MRPL3: variants seen among roughly 807,000 people sequenced by gnomAD.
MRPL3 encodes the protein mitochondrial ribosomal protein L3.
In MRPL3, 43 loss-of-function variants were observed where a neutral mutation model predicts 44.3. The ratio of observed to expected loss-of-function variants is 0.97; its 90% confidence interval spans 0.76 to 1.25. MRPL3 has a LOEUF of 1.25. Ranked by LOEUF, MRPL3 falls within the 50% of genes most tolerant of loss-of-function variation. The pLI, the probability that MRPL3 is intolerant of heterozygous loss-of-function variation, is 0.00. For synonymous variants in MRPL3, 171 were observed against 152.3 expected, an observed-to-expected ratio of 1.12 and a Z score of -0.91; for missense variants, 406 against 427.6, an observed-to-expected ratio of 0.95 and a Z score of 0.45.
At chr3:131,463,660 C>T (rs898847583) in intron 9 of MRPL3, among the ~76,000 whole-genome samples, 1 of 151,956 alleles carries the variant, frequency 6.6e-6, no homozygotes, top group African/African-American at 2.4e-5. Flanking sequence ...AATAACAGAC[C>T]TATGGGTCTT....
chr3:131,480,456 T>C (rs1303967833), intron 6 of MRPL3, among the ~76,000 whole-genome samples: 6 of 152,220 alleles, frequency 3.9e-5, no homozygotes, highest in Admixed American at 6.5e-5. Flanking sequence ...GAAATGCAGG[T>C]ATATGATTTC....
chr3:131,498,750 TACA>T (rs111764441), intron 3 of MRPL3, among the ~76,000 whole-genome samples: 2,108 of 137,356 alleles, frequency 0.015, 19 homozygotes, highest in East Asian at 0.036. Context: ...AAAGAACATA[TACA>T]ACAAAATGAG....
At chr3:131,502,016 G>A (rs141124711) in intron 1 of MRPL3, 11 of 996,312 alleles carry the variant, frequency 1.1e-5, no homozygotes, top group Admixed American at 9.9e-5. Context: ...TAACCCATTT[G>A]GAAGTGTACC....
intron 9 of MRPL3, among the ~76,000 whole-genome samples, chr3:131,467,252 A>G (rs1032195773): frequency 4.4e-4 from 33 of 75,216 alleles, no homozygotes; most frequent in Non-Finnish European, 1.2e-3. Context: ...ACACACACAC[A>G]CATACACACA....
At chr3:131,482,264 C>T (rs1019347575) in intron 6 of MRPL3, among the ~76,000 whole-genome samples, 1 of 152,018 alleles carries the variant, frequency 6.6e-6, no homozygotes, top group Non-Finnish European at 1.5e-5. Flanking sequence ...TGCCTGTAAT[C>T]CCAGCACTTT....
chr3:131,476,576 T>C (rs537365416), intron 6 of MRPL3, among the ~76,000 whole-genome samples: 1 of 152,174 alleles, frequency 6.6e-6, no homozygotes, highest in East Asian at 1.9e-4. Flanking sequence ...AAAAATCAAA[T>C]AGAGGAAAGC....
chr3:131,480,024 A>C lies in MRPL3; in HGVS notation c.629+7656T>G, dbSNP rs143960546. ...TAAAACAAACAAAAAATTCTAATAAACAAAAAAGAATTAATTTTTGCCAAA... is the reference window on the plus strand; with the variant it reads ...TAAAACAAACAAAAAATTCTAATAACCAAAAAAGAATTAATTTTTGCCAAA... On this transcript the variant is annotated intron_variant, in intron 6 of 9. Coordinates refer to ENST00000264995, the MANE Select transcript of MRPL3 (RefSeq NM_007208.4). Among the ~76,000 whole-genome samples the C allele has an allele frequency of 2.3e-3, 347 of 152,274 alleles. 3 individuals carry two copies. Among genetic ancestry groups the C allele is most frequent in the African/African-American group, 7.9e-3 (326 of 41,508 alleles).
chr3:131,491,153 A>G (rs1032831782), intron 4 of MRPL3, among the ~76,000 whole-genome samples: 5 of 152,150 alleles, frequency 3.3e-5, no homozygotes, highest in African/African-American at 9.7e-5. Context: ...AGCTCCTGGA[A>G]AGACTTGCCA....
At chr3:131,501,796 T>C (rs1449918170) in intron 1 of MRPL3, 81 bp from the exon 2 acceptor site, 4 of 1,591,106 alleles carry the variant, frequency 2.5e-6, no homozygotes, top group Non-Finnish European at 3.4e-6. Context: ...AAGTCACAAA[T>C]TGGAAAGTGT....
At chr3:131,474,329 G>A (rs560746294) in intron 6 of MRPL3, among the ~76,000 whole-genome samples, 2 of 152,232 alleles carry the variant, frequency 1.3e-5, no homozygotes, top group East Asian at 3.9e-4. Context: ...CTTACATGTG[G>A]AATCTAAAAA....
rs1933510496 is a variant in MRPL3 at position 131,462,441 on chromosome 3, T to C, written c.*282A>G. On this transcript the variant is annotated 3_prime_UTR_variant, in exon 10 of 10. Transcript: ENST00000264995. ...AGACATCTTAAGATAACTTGGGAAA[T>C]ATGTAGTAAAAAAGAATCGAGTCCA... 3.9e-6 allele frequency: 1 copy of C among 255,020 alleles called. No individual in the cohort carries two copies. The highest frequency in any genetic ancestry group is 7.3e-5 in the East Asian group (1 of 13,770). The allele number at this position is 255,020 out of a possible 1,614,324, so 15.8% of individuals were successfully genotyped here. A position where few individuals can be genotyped will look rare whatever the true frequency, so the allele number is the denominator to read the frequency against.
intron 6 of MRPL3, among the ~76,000 whole-genome samples, chr3:131,480,041 T>C (rs995428582): frequency 6.6e-6 from 1 of 152,220 alleles, no homozygotes; most frequent in African/African-American, 2.4e-5. Context: ...AGAATTAATT[T>C]TTGCCAAAAC....
At chr3:131,472,142 T>C (rs1351690405) in intron 6 of MRPL3, among the ~76,000 whole-genome samples, 1 of 152,156 alleles carries the variant, frequency 6.6e-6, no homozygotes, top group Non-Finnish European at 1.5e-5. Context: ...TTTAGGATAA[T>C]GTGTTAGGCA....
At chr3:131,487,130 A>G (rs1447175560) in intron 6 of MRPL3, 1 of 152,760 alleles carries the variant, frequency 6.5e-6, no homozygotes, top group Non-Finnish European at 1.5e-5. Context: ...GCCATAAAAA[A>G]AGATGAGTTC....
rs1402274653 is a variant in MRPL3 at position 131,471,190 on chromosome 3, G to C, written c.719C>G (p.Pro240Arg). 4 of 1,612,526 alleles carry C rather than the reference G, an allele frequency of 2.5e-6. No individual in the cohort carries two copies. The highest frequency in any genetic ancestry group is 3.4e-6 in the Non-Finnish European group (4 of 1,179,038). The change falls in exon 7 of 10, where the codon CCT becomes CGT. Residue 240 changes from proline (P) to arginine (R), a missense_variant. Transcript: ENST00000264995. ...ACTCACACCAGTTGCAACAGCTCCA[G>C]GTCTCCTGTGGGTTTTCGTTTGACC... ...THGQTKTHRR[P>R]GAVATGDIGR... is the part of the protein sequence containing the mutation.
intron 6 of MRPL3, among the ~76,000 whole-genome samples, chr3:131,482,377 G>A (rs767063046): frequency 2.6e-5 from 4 of 152,052 alleles, no homozygotes; most frequent in Admixed American, 1.3e-4. Context: ...TTAGTTGGGC[G>A]TGGTGGCAGT....
At chr3:131,488,171 A>AT (rs1263879497) in intron 5 of MRPL3, among the ~76,000 whole-genome samples, 1 of 152,176 alleles carries the variant, frequency 6.6e-6, no homozygotes, top group East Asian at 1.9e-4. Flanking sequence ...CAAGTCCCTC[A>AT]TATGGTGTGT....
chr3:131,496,378 T>C (rs761510910), intron 4 of MRPL3, among the ~76,000 whole-genome samples: 1 of 152,236 alleles, frequency 6.6e-6, no homozygotes, highest in Non-Finnish European at 1.5e-5. Flanking sequence ...ACAGATATTA[T>C]GACAAAGCTT....
intron 4 of MRPL3, among the ~76,000 whole-genome samples, chr3:131,495,886 T>C (rs570241392): frequency 6.6e-6 from 1 of 152,196 alleles, no homozygotes; most frequent in Non-Finnish European, 1.5e-5. Context: ...GACCATCAAG[T>C]ACTATTCCTT....
Sources: allele counts gnomAD v4.1 joint callset (sites outside exome capture counted in the v4.1 genomes callset), GRCh38; gene constraint gnomAD v4.1.1; transcripts MANE v1.5; gene names NCBI Gene and HGNC (gene_info 2026-07-23, HGNC 2026-07-21).